The following JAK2 variants were observed in gnomAD, a reference collection of about 807,000 sequenced individuals.
The protein encoded by JAK2 is tyrosine-protein kinase JAK2.
JAK2 carries 86 observed loss-of-function variants against 139.3 expected under a neutral mutation model. That is an observed-to-expected ratio of 0.62 (90% confidence interval 0.52 to 0.74). The LOEUF (loss-of-function observed/expected upper bound fraction) is 0.74. Among genes scored for constraint, JAK2 ranks in the 30% least tolerant of loss-of-function variants. The pLI is 0.00. For synonymous variants in JAK2, 490 were observed against 437.7 expected, an observed-to-expected ratio of 1.12 and a Z score of -1.49; for missense variants, 1,421 against 1,360.3, an observed-to-expected ratio of 1.04 and a Z score of -0.70.
chr9:5,063,811 C>T (rs1049587367), intron 8 of JAK2, among the ~76,000 whole-genome samples: 2 of 151,890 alleles, frequency 1.3e-5, no homozygotes, highest in South Asian at 2.1e-4. Context: ...ATATATTTTC[C>T]CATGTAAGTA....
rs1822470695 is a variant in JAK2, at chr9:5,022,114, C to T, written c.127C>T (p.Leu43Phe). The change falls in exon 3 of 25, where the codon CTT becomes TTT. Residue 43 changes from leucine to phenylalanine, a missense_variant. By Grantham distance (22) the Leu-to-Phe change is conservative. Transcript: ENST00000381652. ...KQIDPVLQVY[L>F]YHSLGKSEAD... The stretch of plus-strand genomic sequence containing the variant: ...AATAGATCCAGTTCTTCAGGTGTAT[C>T]TTTACCATTCCCTTGGGAAATCTGA... 2 of 1,613,890 alleles carry T rather than the reference C, an allele frequency of 1.2e-6. No homozygotes were observed. The highest frequency in any genetic ancestry group is 1.7e-6 in the Non-Finnish European group (2 of 1,179,884).
At chr9:5,086,147 G>A in intron 19 of JAK2, 1 of 362,312 alleles carries the variant, frequency 2.8e-6, no homozygotes, top group Non-Finnish European at 4.6e-6. Flanking sequence ...GGCCCCGCAA[G>A]GCTCGGGGAG....
intron 10 of JAK2, among the ~76,000 whole-genome samples, chr9:5,067,052 G>T (rs190847026): frequency 1.4e-4 from 22 of 152,120 alleles, no homozygotes; most frequent in Admixed American, 5.2e-4. Flanking sequence ...GGTGTTACCA[G>T]TGTGTTAAAA....
chr9:5,063,902 A>C (rs1223732170), intron 8 of JAK2, among the ~76,000 whole-genome samples: 1 of 152,252 alleles, frequency 6.6e-6, no homozygotes, highest in Non-Finnish European at 1.5e-5. Flanking sequence ...TCACGCGTGT[A>C]ATCCCAGCAC....
In JAK2 at chr9:5,084,837, T is replaced by TA. The variant is rs1563987931; in HGVS notation, c.2571+2976_2571+2977insA. Among the ~76,000 whole-genome samples the TA allele has an allele frequency of 7.5e-4, 114 of 152,172 alleles. 1 individual carries two copies. The highest frequency in any genetic ancestry group is 1.6e-3 in the Admixed American group (24 of 15,294). ...ATGGTTTAATTACATTTAAAAAGTT[T>TA]TCTGAAAAAACTTTTGCAATAAAAC... On this transcript the variant is annotated intron_variant, in intron 19 of 24. Coordinates refer to ENST00000381652, the MANE Select transcript of JAK2 (RefSeq NM_004972.4).
intron 6 of JAK2, among the ~76,000 whole-genome samples, chr9:5,053,626 G>A (rs1340810699): frequency 2.0e-5 from 3 of 151,990 alleles, no homozygotes; most frequent in African/African-American, 4.8e-5. Context: ...AATGAGTTGA[G>A]GGATAAATGG....
intron 8 of JAK2, among the ~76,000 whole-genome samples, chr9:5,061,006 C>T (rs1017699967): frequency 3.9e-5 from 6 of 152,152 alleles, no homozygotes; most frequent in African/African-American, 1.2e-4. Context: ...TGACCAGGTG[C>T]GTTGTCAATG....
At chr9:5,113,420 T>A (rs1822823875) in intron 22 of JAK2, 1 of 108,186 alleles carries the variant, frequency 9.2e-6, no homozygotes, top group Admixed American at 9.6e-5. Context: ...GAACATTAGT[T>A]ATTTAAAAAA....
At position 5,129,208 on chromosome 9, in the gene JAK2, T is replaced by C. The variant is rs1258527054; in HGVS notation, c.*2417T>C. 6.6e-6 allele frequency among the ~76,000 whole-genome samples: 1 copy of C among 152,130 alleles called. No homozygotes were observed. Among genetic ancestry groups the C allele is most frequent in the Non-Finnish European group, 1.5e-5 (1 of 67,956 alleles). ...CCAATCTTGATGGTGGGTGTGGCAT[T>C]ATGTGCTCACTTTATTGAGCCTATG... On this transcript the variant is annotated 3_prime_UTR_variant, in exon 25 of 25. Transcript: ENST00000381652.
intron 4 of JAK2, among the ~76,000 whole-genome samples, chr9:5,034,040 A>T (rs1823374455): frequency 6.6e-6 from 1 of 152,220 alleles, no homozygotes; most frequent in African/African-American, 2.4e-5. Flanking sequence ...AAAGGGATGG[A>T]GGAACATCTA....
Position 5,089,770 on chromosome 9 carries a change from G to C in JAK2, c.2668G>C (p.Glu890Gln). The C allele has an allele frequency of 6.3e-7, 1 of 1,599,002 alleles. No individual in the cohort carries two copies. Among genetic ancestry groups the C allele is most frequent in the African/African-American group, 1.4e-5 (1 of 73,738 alleles). Residue 890 changes from glutamate (E) to glutamine (Q), a missense_variant, in exon 20 of 25, where the codon GAG becomes CAG. By Grantham distance (29) the Glu-to-Gln change is conservative. Transcript: ENST00000381652. ...AVKKLQHSTE[E>Q]HLRDFEREIE... is the part of the protein sequence containing the mutation. ...AAAAAAGCTTCAGCATAGTACTGAA[G>C]AGCACCTAAGAGACTTTGAAAGGGA...
intron 3 of JAK2, among the ~76,000 whole-genome samples, chr9:5,029,386 C>T (rs1315661405): frequency 6.6e-6 from 1 of 152,142 alleles, no homozygotes; most frequent in Non-Finnish European, 1.5e-5. Flanking sequence ...CACAGATCAT[C>T]ATAACTGATA....
intron 5 of JAK2, among the ~76,000 whole-genome samples, chr9:5,044,903 C>T (rs1439416951): frequency 5.9e-5 from 9 of 152,048 alleles, no homozygotes; most frequent in South Asian, 2.1e-4. Flanking sequence ...CAGGCTTACA[C>T]AATGGACAAT....
chr9:5,074,540 C>G (rs1049714895), intron 14 of JAK2, among the ~76,000 whole-genome samples: 3 of 152,170 alleles, frequency 2.0e-5, no homozygotes, highest in Admixed American at 1.3e-4. Flanking sequence ...GTGTCCCAAA[C>G]AGAGAGAATA....
intron 23 of JAK2, among the ~76,000 whole-genome samples, chr9:5,124,920 A>G (rs1215975950): frequency 6.6e-6 from 1 of 151,538 alleles, no homozygotes; most frequent in East Asian, 1.9e-4. Flanking sequence ...TCCCAAACCT[A>G]TTCCTAAACT....
chr9:5,111,420 C>T (rs1285946785), intron 22 of JAK2: 4 of 400,638 alleles, frequency 1.0e-5, no homozygotes, highest in Non-Finnish European at 1.5e-5. Context: ...ACGCAGCCCA[C>T]GAAGGTCGGG....
intron 3 of JAK2, among the ~76,000 whole-genome samples, chr9:5,029,465 G>T (rs765782299): frequency 6.6e-6 from 1 of 152,158 alleles, no homozygotes; most frequent in Non-Finnish European, 1.5e-5. Flanking sequence ...AAGTGAGCAC[G>T]TGCTGTTGGA....
chr9:5,092,542 G>T (rs554824930), intron 22 of JAK2, among the ~76,000 whole-genome samples: 2 of 151,994 alleles, frequency 1.3e-5, no homozygotes, highest in African/African-American at 4.8e-5. Flanking sequence ...ATTTACCTTA[G>T]ACAAAAGAAT....
At chr9:5,119,012 C>T (rs1208089696) in intron 22 of JAK2, among the ~76,000 whole-genome samples, 4 of 152,050 alleles carry the variant, frequency 2.6e-5, no homozygotes, top group Non-Finnish European at 4.4e-5. Flanking sequence ...TAAACTAATA[C>T]ATTCAGAAAA....
Sources: gnomAD v4.1 joint callset for allele counts (sites outside exome capture counted in the v4.1 genomes callset) on GRCh38, gnomAD v4.1.1 for gene constraint, MANE v1.5 for transcripts, NCBI Gene and HGNC (gene_info 2026-07-23, HGNC 2026-07-21) for gene names.